MTREX: variants seen among roughly 807,000 people sequenced by gnomAD.
MTREX encodes the protein exosome RNA helicase MTR4.
Under a neutral mutation model 135.4 loss-of-function variants are expected in MTREX, and 76 were observed. The ratio of observed to expected loss-of-function variants is 0.56; its 90% CI spans 0.47 to 0.68. The LOEUF is 0.68. Among genes scored for constraint, MTREX ranks in the 30% least tolerant of loss-of-function variants. MTREX has a pLI of 0.00. For missense variants in MTREX, 920 were observed against 1,262.1 expected (o/e 0.73, Z 4.11); for synonymous variants, 404 against 401.6 (o/e 1.01, Z -0.07).
intron 16 of MTREX, among the ~76,000 whole-genome samples, chr5:55,377,303 G>A (rs1304298777): frequency 2.0e-5 from 3 of 152,094 alleles, no homozygotes; most frequent in African/African-American, 4.8e-5. Context: ...CTCTAGCCTG[G>A]GCGACAGAGC....
At chr5:55,359,285 G>A (rs1052328529) in intron 15 of MTREX, among the ~76,000 whole-genome samples, 7 of 152,140 alleles carry the variant, frequency 4.6e-5, no homozygotes, top group Admixed American at 1.3e-4. Flanking sequence ...GATTGGCCTG[G>A]TTGCCTTTTT....
chr5:55,324,075 T>G (rs1301529851), intron 2 of MTREX, 57 bp from the exon 3 acceptor site: 3 of 1,261,656 alleles, frequency 2.4e-6, no homozygotes, highest in Middle Eastern at 1.8e-4. Context: ...TGAGGCTTAT[T>G]ATCAAATTAT....
intron 15 of MTREX, among the ~76,000 whole-genome samples, chr5:55,362,083 A>ATTTTTTTTTTTTTTT (rs35074192): frequency 4.5e-4 from 50 of 111,154 alleles, no homozygotes; most frequent in East Asian, 3.3e-3. Context: ...CGTCTGGCTA[A>ATTTTTTTTTTTTTTT]TTTTTTTTTT....
intron 5 of MTREX, among the ~76,000 whole-genome samples, chr5:55,336,337 C>T (rs898901750): frequency 1.3e-5 from 2 of 152,104 alleles, no homozygotes; most frequent in Middle Eastern, 3.4e-3. Flanking sequence ...TTAAGTATGA[C>T]GTTAGCTGTT....
intron 8 of MTREX, among the ~76,000 whole-genome samples, chr5:55,343,754 A>G (rs72751780): frequency 6.6e-6 from 1 of 152,138 alleles, no homozygotes; most frequent in Admixed American, 6.5e-5. Context: ...TTTAGAAACT[A>G]CTGCATTTAC....
At position 55,425,475 on chromosome 5, in the gene MTREX, G is replaced by GACTA. The variant is rs941371281; in HGVS notation, c.*707_*710dup. ...CAGATTAAGCATATAAAAAATTAGA[G>GACTA]ACTAACTGGGATTTTTTAAAGATTA... On this transcript the variant is annotated 3_prime_UTR_variant, in exon 27 of 27. Transcript: ENST00000230640. The GACTA allele has an allele frequency of 6.9e-6, 5 of 721,866 alleles. No homozygotes were observed. The highest frequency in any genetic ancestry group is 5.6e-5 in the African/African-American group (3 of 53,970). 44.7% of individuals were successfully genotyped at this position (721,866 alleles called of 1,614,324 possible).
chr5:55,398,676 G>A (rs1750680562), intron 20 of MTREX, among the ~76,000 whole-genome samples: 1 of 152,058 alleles, frequency 6.6e-6, no homozygotes, highest in East Asian at 1.9e-4. Flanking sequence ...TTGTACTTCT[G>A]GGTTAGGTCA....
At chr5:55,333,654 A>ATTCC (rs1200698530) in intron 5 of MTREX, among the ~76,000 whole-genome samples, 110 of 152,268 alleles carry the variant, frequency 7.2e-4, no homozygotes, top group African/African-American at 2.6e-3. Context: ...AGAAAACCTG[A>ATTCC]TGAGGTTGGC....
intron 10 of MTREX, 50 bp downstream of exon 10, chr5:55,345,246 C>T: frequency 1.7e-6 from 2 of 1,152,514 alleles, no homozygotes; most frequent in Non-Finnish European, 2.6e-6. Context: ...ATTGTATATT[C>T]AGATTACTCT....
intron 1 of MTREX, among the ~76,000 whole-genome samples, chr5:55,313,175 T>G (rs976203612): frequency 6.6e-6 from 1 of 151,900 alleles, no homozygotes. Flanking sequence ...CATGGCTCAT[T>G]TCTGTAATCC....
chr5:55,310,837 G>A (rs552075772), intron 1 of MTREX, among the ~76,000 whole-genome samples: 42 of 152,220 alleles, frequency 2.8e-4, no homozygotes, highest in African/African-American at 9.9e-4. Context: ...GGAGTGCACT[G>A]GTGCTTAGCA....
intron 21 of MTREX, among the ~76,000 whole-genome samples, chr5:55,402,883 ATTTCT>A (rs1352990465): frequency 2.7e-5 from 3 of 112,612 alleles, no homozygotes; most frequent in Middle Eastern, 3.7e-3. Context: ...TATATATATA[ATTTCT>A]TTTTTTTTTA....
chr5:55,322,500 T>C, intron 2 of MTREX, 36 bp downstream of exon 2: 1 of 1,495,998 alleles, frequency 6.7e-7, no homozygotes. Context: ...TAGTAACTCA[T>C]AATTCAGGTG....
At chr5:55,341,547 C>G (rs1749649547) in intron 6 of MTREX, 134 bp from the exon 7 acceptor site, 4 of 525,764 alleles carry the variant, frequency 7.6e-6, no homozygotes, top group Non-Finnish European at 1.0e-5. Flanking sequence ...AGTTCTGTAA[C>G]CCCTTAAAAT....
chr5:55,341,399 A>G (rs1749647674), intron 6 of MTREX, among the ~76,000 whole-genome samples: 1 of 152,150 alleles, frequency 6.6e-6, no homozygotes, highest in South Asian at 2.1e-4. Context: ...AGGGGTGATA[A>G]TTCTCTCTGT....
At chr5:55,418,905 G>A (rs1266350725) in intron 25 of MTREX, among the ~76,000 whole-genome samples, 3 of 152,042 alleles carry the variant, frequency 2.0e-5, no homozygotes, top group Admixed American at 6.6e-5. Flanking sequence ...GTGCAGTGGC[G>A]TGATCTTGGC....
chr5:55,406,000 T>G (rs1172317709), intron 22 of MTREX, among the ~76,000 whole-genome samples: 2 of 152,206 alleles, frequency 1.3e-5, no homozygotes, highest in African/African-American at 4.8e-5. Flanking sequence ...TTATTAACAT[T>G]TTCCCACCTT....
intron 1 of MTREX, among the ~76,000 whole-genome samples, chr5:55,321,906 C>T (rs1312642786): frequency 6.6e-6 from 1 of 152,130 alleles, no homozygotes; most frequent in African/African-American, 2.4e-5. Flanking sequence ...CCGTGCCCGG[C>T]TCCAAACGTC....
intron 1 of MTREX, among the ~76,000 whole-genome samples, chr5:55,315,749 A>G (rs1444536972): frequency 6.6e-6 from 1 of 151,870 alleles, no homozygotes; most frequent in Admixed American, 6.6e-5. Context: ...CTTATGTATA[A>G]TTGTACAGTG....
Sources: allele counts gnomAD v4.1 joint callset (sites outside exome capture counted in the v4.1 genomes callset), GRCh38; gene constraint gnomAD v4.1.1; transcripts MANE v1.5; gene names NCBI Gene and HGNC (gene_info 2026-07-23, HGNC 2026-07-21).